RALYL: variants seen among roughly 807,000 people sequenced by gnomAD.
RALYL encodes RALY RNA binding protein like.
RALYL carries 29 observed loss-of-function variants against 35.1 expected under a neutral mutation model. That is an observed-to-expected ratio of 0.83 (90% CI 0.61 to 1.13). The LOEUF (loss-of-function observed/expected upper bound fraction) is 1.13. RALYL is among the 50% of genes most tolerant of loss of function. RALYL has a pLI of 0.00. For synonymous variants in RALYL, 120 were observed against 127.6 expected, an observed-to-expected ratio of 0.94 and a Z score of 0.40; for missense variants, 359 against 360.4, an observed-to-expected ratio of 1.00 and a Z score of 0.03.
At chr8:84,230,435 T>C (rs1350060260) in intron 1 of RALYL, among the ~76,000 whole-genome samples, 1 of 152,082 alleles carries the variant, frequency 6.6e-6, no homozygotes, top group Non-Finnish European at 1.5e-5. Flanking sequence ...TAAACAGAAC[T>C]TTCTGGAAAT....
chr8:84,782,615 C>A lies in RALYL; in HGVS notation c.332+7961C>A, dbSNP rs555223665. Reference sequence around the variant, plus strand: ...CATGGTTCTGTGCTGAAGCTAAGATCTCTTCATCAGCAGGACTCACATTAT... The same window carrying A: ...CATGGTTCTGTGCTGAAGCTAAGATATCTTCATCAGCAGGACTCACATTAT... On this transcript the variant is annotated intron_variant, in intron 3 of 8. Coordinates refer to ENST00000521268, the MANE Select transcript of RALYL (RefSeq NM_173848.7). Among the ~76,000 whole-genome samples, 108 of 152,304 alleles carry A rather than the reference C, an allele frequency of 7.1e-4. 1 individual carries two copies. The South Asian group carries it at 0.021, about 29-fold the overall frequency.
intron 1 of RALYL, among the ~76,000 whole-genome samples, chr8:84,317,666 T>C (rs1265806196): frequency 1.3e-5 from 2 of 152,180 alleles, no homozygotes; most frequent in South Asian, 2.1e-4. Context: ...CAGAACAAAA[T>C]TGGGCTTTTG....
At chr8:84,460,595 A>G (rs1454818216) in intron 1 of RALYL, among the ~76,000 whole-genome samples, 2 of 151,780 alleles carry the variant, frequency 1.3e-5, no homozygotes, top group African/African-American at 2.4e-5. Context: ...CAATCTAAAA[A>G]AGGGGGAAAA....
chr8:84,706,308 C>A (rs1279658549), intron 2 of RALYL, among the ~76,000 whole-genome samples: 1 of 152,144 alleles, frequency 6.6e-6, no homozygotes, highest in African/African-American at 2.4e-5. Context: ...AGAAACAGAT[C>A]AAATGCAATT....
intron 1 of RALYL, among the ~76,000 whole-genome samples, chr8:84,196,940 C>T (rs1815453238): frequency 6.6e-6 from 1 of 152,094 alleles, no homozygotes; most frequent in Non-Finnish European, 1.5e-5. Context: ...CTCTTTCAGT[C>T]TACTCATTTG....
At chr8:84,247,556 C>T (rs569446659) in intron 1 of RALYL, among the ~76,000 whole-genome samples, 2 of 150,880 alleles carry the variant, frequency 1.3e-5, no homozygotes, top group South Asian at 4.2e-4. Flanking sequence ...GAAAAAAAAA[C>T]TTGGTGCAAA....
chr8:84,399,311 T>A (rs981955945), intron 1 of RALYL, among the ~76,000 whole-genome samples: 10 of 152,304 alleles, frequency 6.6e-5, no homozygotes, highest in South Asian at 6.2e-4. Flanking sequence ...GTGCCCCCAT[T>A]TTATAGCTAG....
chr8:84,390,217 T>A (rs898286421), intron 1 of RALYL, among the ~76,000 whole-genome samples: 3 of 152,256 alleles, frequency 2.0e-5, no homozygotes, highest in African/African-American at 7.2e-5. Flanking sequence ...GGATAAGCTT[T>A]TTGATGTGCT....
intron 1 of RALYL, among the ~76,000 whole-genome samples, chr8:84,378,562 T>C (rs1014936191): frequency 1.3e-5 from 2 of 151,904 alleles, no homozygotes; most frequent in Non-Finnish European, 2.9e-5. Context: ...AATTGTCCTT[T>C]GTAAAATTTC....
chr8:84,480,586 C>T (rs2053940203), intron 1 of RALYL, among the ~76,000 whole-genome samples: 1 of 151,982 alleles, frequency 6.6e-6, no homozygotes, highest in Non-Finnish European at 1.5e-5. Flanking sequence ...GGGATTTTTA[C>T]AGGATGTAAG....
At chr8:84,492,041 T>C in intron 1 of RALYL, among the ~76,000 whole-genome samples, 1 of 151,998 alleles carries the variant, frequency 6.6e-6, no homozygotes, top group East Asian at 1.9e-4. Flanking sequence ...AGTTCTATTA[T>C]GGAAGCAGAA....
At chr8:84,275,837 C>A (rs1835263341) in intron 1 of RALYL, among the ~76,000 whole-genome samples, 1 of 152,052 alleles carries the variant, frequency 6.6e-6, no homozygotes, top group African/African-American at 2.4e-5. Context: ...ATTTTCTTAG[C>A]AAGATCTTTA....
chr8:84,789,872 A>G (rs1820385039), intron 3 of RALYL, among the ~76,000 whole-genome samples: 2 of 152,234 alleles, frequency 1.3e-5, no homozygotes, highest in African/African-American at 4.8e-5. Context: ...GAATAAAAGA[A>G]ATATGAACTA....
chr8:84,351,529 C>A (rs1448752888), intron 1 of RALYL, among the ~76,000 whole-genome samples: 1 of 149,336 alleles, frequency 6.7e-6, no homozygotes. Context: ...GATTGACTTG[C>A]CTCTGAATTA....
intron 1 of RALYL, among the ~76,000 whole-genome samples, chr8:84,204,810 T>C (rs187425324): frequency 6.6e-6 from 1 of 152,210 alleles, no homozygotes; most frequent in Non-Finnish European, 1.5e-5. Context: ...AAGCAGAGAG[T>C]GTTCAGCATT....
rs574292454 is a variant in RALYL at position 84,328,358 on chromosome 8, A to T, written c.-24+143934A>T. On this transcript the variant is annotated intron_variant, in intron 1 of 8. Coordinates refer to ENST00000521268, the MANE Select transcript of RALYL (RefSeq NM_173848.7). ...CATGAAGTTGTCATACAGTATGAATACACAATAAGCGTCATTCATTAACTC... is the reference window on the plus strand; with the variant it reads ...CATGAAGTTGTCATACAGTATGAATTCACAATAAGCGTCATTCATTAACTC... 2.6e-5 allele frequency among the ~76,000 whole-genome samples: 4 copies of T among 152,322 alleles called. No homozygotes were observed. The South Asian group carries it at 8.3e-4, about 32-fold the overall frequency.
chr8:84,346,258 A>G (rs1263694800), intron 1 of RALYL: 2 of 161,056 alleles, frequency 1.2e-5, no homozygotes, highest in African/African-American at 4.8e-5. Context: ...TTTAGATGCA[A>G]TGTCAGATGC....
intron 1 of RALYL, among the ~76,000 whole-genome samples, chr8:84,514,090 T>TAAAAAAAAAAAAAAAAAAAAAAAAAAA (rs57881021): frequency 2.2e-4 from 9 of 41,164 alleles, no homozygotes; most frequent in Admixed American, 3.1e-4. Flanking sequence ...AGATTTCATC[T>TAAAAAAAAAAAAAAAAAAAAAAAAAAA]AAAAAAAAAA....
chr8:84,188,841 A>C (rs1379818919), intron 1 of RALYL, among the ~76,000 whole-genome samples: 2 of 152,092 alleles, frequency 1.3e-5, no homozygotes, highest in Non-Finnish European at 2.9e-5. Context: ...CTTTTGTTAG[A>C]CTTATGTTAA....
Sources: allele counts gnomAD v4.1 joint callset (sites outside exome capture counted in the v4.1 genomes callset), GRCh38; gene constraint gnomAD v4.1.1; transcripts MANE v1.5; gene names NCBI Gene and HGNC (gene_info 2026-07-23, HGNC 2026-07-21).